The following MMP9 variants were observed in gnomAD, a reference collection of about 807,000 sequenced individuals.
MMP9 encodes matrix metallopeptidase 9, also known as matrix metalloproteinase-9.
Under a neutral mutation model 76.4 loss-of-function variants are expected in MMP9, and 73 were observed. The observed-to-expected ratio is 0.96, with a 90% CI of 0.79 to 1.16. MMP9 has a LOEUF of 1.16. Ranked by LOEUF, MMP9 falls within the 50% of genes most tolerant of loss-of-function variation. The pLI is 0.00. For synonymous variants in MMP9, 412 were observed against 408.4 expected, an observed-to-expected ratio of 1.01 and a Z score of -0.11; for missense variants, 943 against 973.0, an observed-to-expected ratio of 0.97 and a Z score of 0.41.
chr20:46,015,038 T>C (rs1470881492), intron 12 of MMP9, among the ~76,000 whole-genome samples: 3 of 152,216 alleles, frequency 2.0e-5, no homozygotes, highest in African/African-American at 4.8e-5. Context: ...CAAACCATAC[T>C]GGCTGTCCAG....
chr20:46,012,193 A>G lies in MMP9; in HGVS notation c.1054A>G (p.Thr352Ala), dbSNP rs2084284661. 5.6e-6 allele frequency: 9 copies of G among 1,613,854 alleles called. No individual in the cohort carries two copies. Among genetic ancestry groups the G allele is most frequent in the African/African-American group, 1.3e-5 (1 of 74,866 alleles). ...SAGELCVFPF[T>A]FLGKEYSTCT... is the part of the protein sequence containing the mutation. Reference sequence around the variant, plus strand: ...GGGGGAGCTGTGCGTCTTCCCCTTCACTTTCCTGGGTAAGGAGTACTCGAC... The same window carrying G: ...GGGGGAGCTGTGCGTCTTCCCCTTCGCTTTCCTGGGTAAGGAGTACTCGAC... Residue 352 changes from threonine (T) to alanine (A), a missense_variant, in exon 7 of 13, where the codon ACT becomes GCT. Physicochemically the swap from Thr to Ala is moderately conservative, Grantham distance 58. Coordinates refer to ENST00000372330, the MANE Select transcript of MMP9 (RefSeq NM_004994.3).
intron 12 of MMP9, chr20:46,014,817 C>T (rs2084308990): frequency 3.1e-6 from 1 of 321,430 alleles, no homozygotes; most frequent in Non-Finnish European, 5.9e-6. Context: ...CAATTCACAG[C>T]TCTGTGACTT....
At position 46,014,174 on chromosome 20, in the gene MMP9, C is replaced by G. The variant is rs527990566; in HGVS notation, c.1801C>G (p.Leu601Val). 1.9e-5 allele frequency: 30 copies of G among 1,538,572 alleles called. No homozygotes were observed. In the South Asian group the frequency reaches 3.2e-4, roughly 16 times the overall value. Residue 601 changes from leucine to valine, a missense_variant, in exon 11 of 13, where the codon CTG becomes GTG. Physicochemically the swap from Leu to Val is conservative, Grantham distance 32. Coordinates refer to ENST00000372330, the MANE Select transcript of MMP9 (RefSeq NM_004994.3). ...CGCGTCGGTGCTGGGCCCGAGGCGT[C>G]TGGACAAGCTGGGCCTGGGAGCCGA... ...TGASVLGPRR[L>V]DKLGLGADVA...
chr20:46,012,581 T>A lies in MMP9; in HGVS notation c.1329T>A (p.Tyr443Ter). The A allele has an allele frequency of 6.3e-7, 1 of 1,577,254 alleles. No homozygotes were observed. Among genetic ancestry groups the A allele is most frequent in the Non-Finnish European group, 8.6e-7 (1 of 1,160,054 alleles). Residue 443 changes from tyrosine to a stop codon, truncating the protein, a stop_gained and splice_region_variant, in exon 8 of 13, where the codon TAT becomes TAA. Coordinates refer to ENST00000372330, the MANE Select transcript of MMP9 (RefSeq NM_004994.3). LOFTEE classifies it high-confidence loss of function. ...KDDVNGIRHLYGPRPEPEPRP... is the reference protein window; with the variant it reads ...KDDVNGIRHL The stretch of plus-strand genomic sequence containing the variant: ...ACGTGAATGGCATCCGGCACCTCTA[T>A]GGTGAGGCAGGGGCAGGGATGGGAG...
chr20:46,012,251 T>C lies in MMP9; in HGVS notation c.1112T>C (p.Leu371Pro), dbSNP rs2084285504. 3.1e-6 allele frequency: 5 copies of C among 1,613,926 alleles called. No individual in the cohort carries two copies. Among genetic ancestry groups the C allele is most frequent in the Non-Finnish European group, 2.5e-6 (3 of 1,180,006 alleles). ...AGCGAGGGCCGCGGAGATGGGCGCC[T>C]CTGGTGCGCTACCACCTCGAACTTT... ...CTSEGRGDGR[L>P]WCATTSNFDS... The change falls in exon 7 of 13, where the codon CTC (leucine) becomes CCC (proline). Residue 371 changes from leucine (L) to proline (P), a missense_variant. Physicochemically the swap from Leu to Pro is moderately conservative, Grantham distance 98. Transcript: ENST00000372330.
At chr20:46,015,453 C>CTTTT (rs199508388) in intron 12 of MMP9, among the ~76,000 whole-genome samples, 3 of 125,594 alleles carry the variant, frequency 2.4e-5, no homozygotes, top group Admixed American at 8.1e-5. Flanking sequence ...TTTCTTTTTT[C>CTTTT]TTTTTTTTTT....
Position 46,012,168 on chromosome 20 carries a change from G to A in MMP9, c.1029G>A (p.Ala343=). 1 of 1,614,052 alleles carries A rather than the reference G, an allele frequency of 6.2e-7. No individual in the cohort carries two copies. The highest frequency in any genetic ancestry group is 8.5e-7 in the Non-Finnish European group (1 of 1,180,028). The change falls in exon 7 of 13, where the codon GCG becomes GCA. Residue 343 remains alanine (A), a synonymous_variant. Coordinates refer to ENST00000372330, the MANE Select transcript of MMP9 (RefSeq NM_004994.3). The part of the protein sequence containing the change: ...ADSTVMGGNS[A]GELCVFPFTF... ...CGACGGTGATGGGGGGCAACTCGGC[G>A]GGGGAGCTGTGCGTCTTCCCCTTCA...
rs2084298553 is a variant in MMP9, at chr20:46,013,547, G to A, written c.1610+13G>A. On this transcript the variant is annotated intron_variant, in intron 9 of 12. Coordinates refer to ENST00000372330, the MANE Select transcript of MMP9 (RefSeq NM_004994.3). This position sits in a 1 kb window ranked among gnomAD's most constrained non-coding sequence, Gnocchi z 4.5. The stretch of plus-strand genomic sequence containing the variant: ...TGTTCAAGGATGGGTGAGGAGGCGG[G>A]GTTGTGTGGATGCGGGAGGGGGCTT... 6.2e-7 allele frequency: 1 copy of A among 1,613,180 alleles called. No individual in the cohort carries two copies.
chr20:46,016,113 G>A (rs1027492726), intron 12 of MMP9, 137 bp from the exon 13 acceptor site: 14 of 848,876 alleles, frequency 1.6e-5, no homozygotes, highest in African/African-American at 5.0e-5. Flanking sequence ...TCACAGGTTG[G>A]GGGGATGGAG....
At chr20:46,009,838 T>C in intron 1 of MMP9, 28 bp from the exon 2 acceptor site, 1 of 1,543,254 alleles carries the variant, frequency 6.5e-7, no homozygotes, top group Non-Finnish European at 8.8e-7. Context: ...GTCAGAGATC[T>C]GGCATGTGTG....
chr20:46,014,501 G>A, intron 12 of MMP9, 27 bp downstream of exon 12: 2 of 1,540,896 alleles, frequency 1.3e-6, no homozygotes, highest in East Asian at 2.4e-5. Flanking sequence ...ATCCCTTCGT[G>A]AGACACCACA....
chr20:46,012,831 G>A (rs2084292539), intron 8 of MMP9, among the ~76,000 whole-genome samples: 1 of 152,208 alleles, frequency 6.6e-6, no homozygotes, highest in South Asian at 2.1e-4. Context: ...GGTGGCTCAC[G>A]CCTCTAATCC....
rs1013608402 is a variant in MMP9 at position 46,011,332 on chromosome 20, C to T, written c.823+16C>T. ...CCCAGCGAGAGTGAGTGAGGGGGCT[C>T]GCCGAGGGCTGGGGGCGCCCACCAC... is the stretch of plus-strand genomic sequence containing the variant. On this transcript the variant is annotated intron_variant, in intron 5 of 12. Coordinates refer to ENST00000372330, the MANE Select transcript of MMP9 (RefSeq NM_004994.3). The T allele has an allele frequency of 1.9e-6, 3 of 1,598,522 alleles. No individual in the cohort carries two copies. Among genetic ancestry groups the T allele is most frequent in the African/African-American group, 1.3e-5 (1 of 74,832 alleles).
Position 46,013,320 on chromosome 20 carries a change from A to C in MMP9, c.1396A>C (p.Thr466Pro), listed in dbSNP as rs760257077. The C allele has an allele frequency of 1.3e-5, 21 of 1,612,968 alleles. No homozygotes were observed. The highest frequency in any genetic ancestry group is 1.6e-5 in the Non-Finnish European group (19 of 1,179,654). ...CACACCGCAGCCCACGGCTCCCCCG[A>C]CGGTCTGCCCCACCGGACCCCCCAC... Reference protein sequence around the residue: ...TTTPQPTAPPTVCPTGPPTVH... With the variant: ...TTTPQPTAPPPVCPTGPPTVH... The change falls in exon 9 of 13, where the codon ACG becomes CCG. Residue 466 changes from threonine (T) to proline (P), a missense_variant. Coordinates refer to ENST00000372330, the MANE Select transcript of MMP9 (RefSeq NM_004994.3). The surrounding 1 kb of genome is among the most constrained non-coding windows in gnomAD (Gnocchi z 4.5).
At chr20:46,009,193 C>A in intron 1 of MMP9, 129 bp downstream of exon 1, 1 of 1,063,348 alleles carries the variant, frequency 9.4e-7, no homozygotes, top group Non-Finnish European at 1.4e-6. Context: ...ATCTGAAGAA[C>A]AGAGGTGTCC....
At position 46,013,526 on chromosome 20, in the gene MMP9, C is replaced by G. The variant is rs1248244568; in HGVS notation, c.1602C>G (p.Phe534Leu). ...IAEIGNQLYL[F>L]KDGKYWRFSE... is the part of the protein sequence containing the mutation. ...AGATTGGGAACCAGCTGTATTTGTTCAAGGATGGGTGAGGAGGCGGGGTTG... is the reference window on the plus strand; with the variant it reads ...AGATTGGGAACCAGCTGTATTTGTTGAAGGATGGGTGAGGAGGCGGGGTTG... Residue 534 changes from phenylalanine (F) to leucine (L), a missense_variant, in exon 9 of 13, where the codon TTC becomes TTG. Transcript: ENST00000372330. The surrounding 1 kb of genome is among the most constrained non-coding windows in gnomAD (Gnocchi z 4.5). The G allele has an allele frequency of 2.5e-6, 4 of 1,613,932 alleles. No individual in the cohort carries two copies. Among genetic ancestry groups the G allele is most frequent in the Non-Finnish European group, 3.4e-6 (4 of 1,179,902 alleles).
At position 46,013,781 on chromosome 20, in the gene MMP9, C is replaced by T. The variant is rs2084301336; in HGVS notation, c.1735C>T (p.Leu579Phe). 3 of 1,613,056 alleles carry T rather than the reference C, an allele frequency of 1.9e-6. No homozygotes were observed. Among genetic ancestry groups the T allele is most frequent in the Non-Finnish European group, 2.5e-6 (3 of 1,179,998 alleles). The change falls in exon 10 of 13, where the codon CTT (leucine) becomes TTT (phenylalanine). Residue 579 changes from leucine to phenylalanine, a missense_variant. Coordinates refer to ENST00000372330, the MANE Select transcript of MMP9 (RefSeq NM_004994.3). The surrounding 1 kb of genome is among the most constrained non-coding windows in gnomAD (Gnocchi z 4.5). ...SVFEERLSKK[L>F]FFFSGRQVWV... Reference sequence around the variant, plus strand: ...CTTTGAGGAGCGGCTCTCCAAGAAGCTTTTCTTCTTCTCTGGTTAGTTACC... The same window carrying T: ...CTTTGAGGAGCGGCTCTCCAAGAAGTTTTTCTTCTTCTCTGGTTAGTTACC...
chr20:46,009,848 G>C lies in MMP9; in HGVS notation c.139-18G>C. The C allele has an allele frequency of 6.5e-7, 1 of 1,548,966 alleles. No homozygotes were observed. Among genetic ancestry groups the C allele is most frequent in the Non-Finnish European group, 8.7e-7 (1 of 1,144,460 alleles). On this transcript the variant is annotated intron_variant, in intron 1 of 12. Transcript: ENST00000372330. ...AAGGGGTCAGAGATCTGGCATGTGT[G>C]TGTCCCTTCATCCACAGGAATACCT...
intron 2 of MMP9, among the ~76,000 whole-genome samples, 153 bp from the exon 3 acceptor site, chr20:46,010,330 A>AAAAAAAAAAAAC (rs1555856940): frequency 5.9e-5 from 6 of 101,928 alleles, no homozygotes; most frequent in Non-Finnish European, 1.3e-4. Context: ...ACAAAAAAAA[A>AAAAAAAAAAAAC]AAAAAAAAAA....
Sources: allele counts gnomAD v4.1 joint callset (sites outside exome capture counted in the v4.1 genomes callset), GRCh38; gene constraint gnomAD v4.1.1; non-coding constraint Gnocchi (gnomAD v3.1); transcripts MANE v1.5; gene names NCBI Gene and HGNC (gene_info 2026-07-23, HGNC 2026-07-21).